Variants in ELAVL3 observed in about 807,000 individuals in gnomAD.
ELAVL3 encodes the protein ELAV-like protein 3.
ELAVL3 carries 8 observed loss-of-function variants against 34.2 expected under a neutral mutation model. The observed-to-expected ratio is 0.23, with a 90% CI of 0.14 to 0.42. ELAVL3 has a LOEUF of 0.42. ELAVL3 is among the 10% of genes least tolerant of loss of function. The probability of loss-of-function intolerance (pLI) is 1.00; values close to 1 mark genes in which losing one functional copy is unlikely to be tolerated. For synonymous variants in ELAVL3, 209 were observed against 222.1 expected, an observed-to-expected ratio of 0.94 and a Z score of 0.53; for missense variants, 273 against 518.8, an observed-to-expected ratio of 0.53 and a Z score of 4.60.
At chr19:11,479,861 AG>A (rs987019893) in intron 1 of ELAVL3, among the ~76,000 whole-genome samples, 1 of 151,430 alleles carries the variant, frequency 6.6e-6, no homozygotes, top group African/African-American at 2.4e-5. Flanking sequence ...ACCTGGCCTA[AG>A]GGGGCTGTCT....
intron 3 of ELAVL3, among the ~76,000 whole-genome samples, chr19:11,462,007 C>A (rs1478867643): frequency 6.6e-6 from 1 of 151,974 alleles, no homozygotes; most frequent in Non-Finnish European, 1.5e-5. Context: ...AACCCCATCT[C>A]TACTAAAAAT....
At chr19:11,478,808 C>T (rs569454684) in intron 1 of ELAVL3, among the ~76,000 whole-genome samples, 7 of 152,204 alleles carry the variant, frequency 4.6e-5, no homozygotes, top group African/African-American at 1.7e-4. Flanking sequence ...CTGACCCCCA[C>T]GGCCCCCAGC....
intron 3 of ELAVL3, among the ~76,000 whole-genome samples, chr19:11,463,687 C>T (rs1970938955): frequency 6.6e-6 from 1 of 152,030 alleles, no homozygotes; most frequent in Non-Finnish European, 1.5e-5. Context: ...GCACGTCATC[C>T]TGGGCCGGGT....
chr19:11,477,326 C>G (rs575091496), intron 1 of ELAVL3, among the ~76,000 whole-genome samples: 1 of 152,116 alleles, frequency 6.6e-6, no homozygotes, highest in Non-Finnish European at 1.5e-5. Context: ...GGGTCTTGCT[C>G]TGTTGCCCAG....
intron 1 of ELAVL3, among the ~76,000 whole-genome samples, chr19:11,470,586 A>G (rs984790679): frequency 6.6e-6 from 1 of 151,560 alleles, no homozygotes; most frequent in Non-Finnish European, 1.5e-5. Context: ...CTGAGGCAGG[A>G]GAATCGCTTG....
chr19:11,465,498 CCCCCA>C (rs984980141), intron 3 of ELAVL3, among the ~76,000 whole-genome samples: 3 of 149,634 alleles, frequency 2.0e-5, no homozygotes, highest in African/African-American at 7.3e-5. Context: ...CAACTTCACT[CCCCCA>C]CCCCAATCCC....
intron 1 of ELAVL3, among the ~76,000 whole-genome samples, chr19:11,476,199 A>G (rs1971259812): frequency 6.6e-6 from 1 of 152,158 alleles, no homozygotes; most frequent in Non-Finnish European, 1.5e-5. Flanking sequence ...CCTCATGTGA[A>G]ACTTCCAGGT....
At chr19:11,469,558 G>A (rs1417112042) in intron 1 of ELAVL3, among the ~76,000 whole-genome samples, 1 of 152,204 alleles carries the variant, frequency 6.6e-6, no homozygotes, top group Non-Finnish European at 1.5e-5. Flanking sequence ...GGGATTACAG[G>A]CGTGAGCCAC....
chr19:11,473,100 T>G lies in ELAVL3; in HGVS notation c.10-6273A>C, dbSNP rs1244190499. Among the ~76,000 whole-genome samples the G allele has an allele frequency of 2.1e-5, 3 of 146,314 alleles. No homozygotes were observed. In the East Asian group the frequency reaches 6.2e-4, roughly 30 times the overall value. ...AAGAAAAGAGGCAGGGCGCGGTGGC[T>G]CACACCTGTAATCCCAGCACTTTGG... On this transcript the variant is annotated intron_variant, in intron 1 of 6. Transcript: ENST00000359227.
intron 6 of ELAVL3, among the ~76,000 whole-genome samples, chr19:11,456,496 TTTAA>T (rs1402770674): frequency 6.6e-6 from 1 of 151,406 alleles, no homozygotes; most frequent in Non-Finnish European, 1.5e-5. Context: ...TTTTACATTT[TTTAA>T]TTATTTTTTT....
intron 3 of ELAVL3, among the ~76,000 whole-genome samples, chr19:11,459,900 C>G (rs1281240962): frequency 1.3e-5 from 2 of 152,090 alleles, no homozygotes; most frequent in Non-Finnish European, 2.9e-5. Flanking sequence ...CTTCCCACTC[C>G]TATAGAGAGT....
chr19:11,457,487 C>T (rs1023175092), intron 5 of ELAVL3, among the ~76,000 whole-genome samples: 1 of 152,220 alleles, frequency 6.6e-6, no homozygotes, highest in South Asian at 2.1e-4. Flanking sequence ...CCAACATTCT[C>T]GCAGCACTTG....
rs1555732405 is a variant in ELAVL3 at position 11,464,131 on chromosome 19, C to CTCTCTGTCTT, written c.333+2040_333+2041insAAGACAGAGA. On this transcript the variant is annotated intron_variant, in intron 3 of 6. Coordinates refer to ENST00000359227, the MANE Select transcript of ELAVL3 (RefSeq NM_001420.4). ...TCTCTCTGTCTCTCTCTGTCTCTCT[C>CTCTCTGTCTT]TCTCTCTCTCTCTCTCTCTCTATAT... Among the ~76,000 whole-genome samples, 707 of 101,120 alleles carry CTCTCTGTCTT rather than the reference C, an allele frequency of 7.0e-3. 9 individuals are homozygous for CTCTCTGTCTT. Among genetic ancestry groups the CTCTCTGTCTT allele is most frequent in the African/African-American group, 0.035 (653 of 18,786 alleles). The allele number at this position is 101,120 out of a possible 152,430, so 66.3% of individuals were successfully genotyped here.
chr19:11,457,555 C>T (rs1267691669), intron 5 of ELAVL3, among the ~76,000 whole-genome samples: 1 of 152,240 alleles, frequency 6.6e-6, no homozygotes, highest in East Asian at 1.9e-4. Flanking sequence ...TCCATTGTCT[C>T]CCCTTGGAGT....
chr19:11,480,438 G>C lies in ELAVL3; in HGVS notation c.9+162C>G, dbSNP rs954305507. 5.3e-5 allele frequency among the ~76,000 whole-genome samples: 8 copies of C among 151,996 alleles called. No individual in the cohort carries two copies. Among genetic ancestry groups the C allele is most frequent in the Non-Finnish European group, 1.0e-4 (7 of 67,946 alleles). ...TAAGCGCCCTCAGCACTCTGGGCGC[G>C]GCCCTGCCCACTCTCAGGCCCCGAG... On this transcript the variant is annotated intron_variant, in intron 1 of 6. Coordinates refer to ENST00000359227, the MANE Select transcript of ELAVL3 (RefSeq NM_001420.4). The surrounding 1 kb of genome is among the most constrained non-coding windows in gnomAD (Gnocchi z 6.8).
chr19:11,459,469 A>G (rs866517805), intron 3 of ELAVL3, among the ~76,000 whole-genome samples: 1 of 151,332 alleles, frequency 6.6e-6, no homozygotes, highest in Middle Eastern at 3.4e-3. Context: ...GGGTTTCATC[A>G]TGTTGGTCAG....
At position 11,452,753 on chromosome 19, in the gene ELAVL3, C is replaced by G. The variant is rs1288406877; in HGVS notation, c.*1773G>C. On this transcript the variant is annotated 3_prime_UTR_variant, in exon 7 of 7. Coordinates refer to ENST00000359227, the MANE Select transcript of ELAVL3 (RefSeq NM_001420.4). ...AGCTAAAGTCGGGGGTTTTGCAATT[C>G]TCAGTTCCGATGGGGCCGCTGAGTG... The G allele has an allele frequency of 6.6e-6, 1 of 151,668 alleles. No homozygotes were observed. Among genetic ancestry groups the G allele is most frequent in the East Asian group, 1.9e-4 (1 of 5,150 alleles). 9.4% of individuals were successfully genotyped at this position (151,668 alleles called of 1,614,324 possible). A position where few individuals can be genotyped will look rare whatever the true frequency, so the allele number is the denominator to read the frequency against.
rs1428104318 is a variant in ELAVL3, at chr19:11,451,913, G to C, written c.*2613C>G. On this transcript the variant is annotated 3_prime_UTR_variant, in exon 7 of 7. Coordinates refer to ENST00000359227, the MANE Select transcript of ELAVL3 (RefSeq NM_001420.4). ...CGCCCTGCTGCAAGCTTCCCACGCG[G>C]ACGTGCGTGTTCCCGAATGCAGAGG... 1 of 152,126 alleles carries C rather than the reference G, an allele frequency of 6.6e-6. No homozygotes were observed. The highest frequency in any genetic ancestry group is 1.5e-5 in the Non-Finnish European group (1 of 67,990). 9.4% of individuals were successfully genotyped at this position (152,126 alleles called of 1,614,324 possible).
In ELAVL3 at chr19:11,480,097, A is replaced by AGGTCGAC. The variant is rs1371368235; in HGVS notation, c.9+496_9+502dup. On this transcript the variant is annotated intron_variant, in intron 1 of 6. Transcript: ENST00000359227. The surrounding 1 kb of genome is among the most constrained non-coding windows in gnomAD (Gnocchi z 6.8). ...TCCTCTCCCCTCCCCGCTTGCCGCAAGGTCGACGGGCTCGAGGACGAGACG... is the reference window on the plus strand; with the variant it reads ...TCCTCTCCCCTCCCCGCTTGCCGCAAGGTCGACGGTCGACGGGCTCGAGGACGAGACG... Among the ~76,000 whole-genome samples the AGGTCGAC allele has an allele frequency of 1.3e-5, 2 of 151,510 alleles. No homozygotes were observed. Among genetic ancestry groups the AGGTCGAC allele is most frequent in the African/African-American group, 4.9e-5 (2 of 41,206 alleles).
Sources: gnomAD v4.1 joint callset for allele counts (sites outside exome capture counted in the v4.1 genomes callset) on GRCh38, gnomAD v4.1.1 for gene constraint, Gnocchi (gnomAD v3.1) non-coding constraint, MANE v1.5 for transcripts, NCBI Gene and HGNC (gene_info 2026-07-23, HGNC 2026-07-21) for gene names.